The following IGF2BP1 variants were observed in gnomAD, a reference collection of about 807,000 sequenced individuals.
IGF2BP1 encodes insulin-like growth factor 2 mRNA-binding protein 1.
A neutral mutation model predicts 74.9 loss-of-function variants in IGF2BP1; 11 were observed. The observed-to-expected ratio is 0.15, with a 90% CI of 0.09 to 0.24. The LOEUF is 0.24. Among genes scored for constraint, IGF2BP1 ranks in the 10% least tolerant of loss-of-function variants. The pLI is 1.00. For missense variants in IGF2BP1, 440 were observed against 757.4 expected, an observed-to-expected ratio of 0.58 and a Z score of 4.92; for synonymous variants, 287 against 281.8, an observed-to-expected ratio of 1.02 and a Z score of -0.18.
chr17:49,025,711 C>T (rs199928943), intron 3 of IGF2BP1, 45 bp downstream of exon 3: 1 of 1,564,728 alleles, frequency 6.4e-7, no homozygotes, highest in African/African-American at 1.4e-5. Flanking sequence ...ATAGTGGAGC[C>T]TGGAAAGTAC....
In IGF2BP1 at chr17:49,045,996, G is replaced by A. The variant is rs2042104060; in HGVS notation, c.1502G>A (p.Arg501Gln). 2 of 1,614,116 alleles carry A rather than the reference G, an allele frequency of 1.2e-6. No homozygotes were observed. The highest frequency in any genetic ancestry group is 1.7e-6 in the Non-Finnish European group (2 of 1,180,038). The change falls in exon 13 of 15, where the codon CGG becomes CAG. Residue 501 changes from arginine (R) to glutamine (Q), a missense_variant. Arg to Gln is a conservative substitution (Grantham distance 43). Coordinates refer to ENST00000290341, the MANE Select transcript of IGF2BP1 (RefSeq NM_006546.4). ...CGTGTGCCAGCATCAGCAGCTGGCCGGGTCATTGGCAAAGGTGGAAAAACG... is the reference window on the plus strand; with the variant it reads ...CGTGTGCCAGCATCAGCAGCTGGCCAGGTCATTGGCAAAGGTGGAAAAACG... Reference protein sequence around the residue: ...HIRVPASAAGRVIGKGGKTVN... With the variant: ...HIRVPASAAGQVIGKGGKTVN...
At chr17:49,045,175 A>G (rs2042096697) in intron 12 of IGF2BP1, 110 bp downstream of exon 12, 3 of 838,842 alleles carry the variant, frequency 3.6e-6, no homozygotes, top group Non-Finnish European at 6.0e-6. Context: ...TCAAGTCCTC[A>G]TCACATCTTT....
chr17:49,038,138 A>T, intron 5 of IGF2BP1, 30 bp from the exon 6 acceptor site: 7 of 1,445,776 alleles, frequency 4.8e-6, no homozygotes, highest in Non-Finnish European at 6.4e-6. Flanking sequence ...ATGGATTGGA[A>T]TGACCTGTAG....
At chr17:49,023,799 G>A (rs1272913812) in intron 2 of IGF2BP1, among the ~76,000 whole-genome samples, 3 of 152,106 alleles carry the variant, frequency 2.0e-5, no homozygotes, top group Non-Finnish European at 4.4e-5. Flanking sequence ...AAATGCAATT[G>A]GCCAATGCAT....
intron 2 of IGF2BP1, among the ~76,000 whole-genome samples, chr17:49,022,769 T>C (rs1461293377): frequency 3.3e-5 from 5 of 152,186 alleles, no homozygotes; most frequent in South Asian, 2.1e-4. Flanking sequence ...ACTGGGAGTT[T>C]GAAGTGCGAG....
intron 2 of IGF2BP1, among the ~76,000 whole-genome samples, chr17:49,021,868 C>T (rs1281988367): frequency 1.3e-5 from 2 of 152,198 alleles, no homozygotes; most frequent in Non-Finnish European, 2.9e-5. Flanking sequence ...GGAGCGGGTC[C>T]CTGGTCCCTG....
intron 3 of IGF2BP1, 141 bp downstream of exon 3, chr17:49,025,807 T>G: frequency 1.7e-6 from 1 of 600,924 alleles, no homozygotes; most frequent in Non-Finnish European, 2.9e-6. Context: ...TTCTTTCTTT[T>G]TTTCTTTTTG....
Position 49,046,233 on chromosome 17 carries a change from C to T in IGF2BP1, c.1528-27C>T, listed in dbSNP as rs778823272. 7 of 1,594,098 alleles carry T rather than the reference C, an allele frequency of 4.4e-6. No homozygotes were observed. In the Admixed American group the frequency reaches 1.0e-4, roughly 23 times the overall value. ...CCCACCCATGCTTTCTTGATGGCAC[C>T]CTGAGCTCCTCTCTGGCCACCCCCA... On this transcript the variant is annotated intron_variant, in intron 13 of 14. Coordinates refer to ENST00000290341, the MANE Select transcript of IGF2BP1 (RefSeq NM_006546.4).
At chr17:49,019,947 T>C (rs1221864296) in intron 2 of IGF2BP1, among the ~76,000 whole-genome samples, 2 of 37,842 alleles carry the variant, frequency 5.3e-5, no homozygotes, top group African/African-American at 2.9e-4. Flanking sequence ...TATATATATA[T>C]ATTTATATAC....
intron 3 of IGF2BP1, 118 bp downstream of exon 3, chr17:49,025,784 T>G (rs1421571764): frequency 6.7e-6 from 5 of 742,142 alleles, no homozygotes; most frequent in Non-Finnish European, 1.1e-5. Context: ...TAGGGAGGCC[T>G]GGGTCTCATC....
chr17:49,038,874 A>ATCTTTTTTT (rs1491495832), intron 6 of IGF2BP1, among the ~76,000 whole-genome samples: 1 of 75,274 alleles, frequency 1.3e-5, no homozygotes, highest in African/African-American at 5.6e-5. Context: ...TCTTTCTTTA[A>ATCTTTTTTT]TATTTTTTTT....
upstream of IGF2BP1, chr17:48,996,624 G>A (rs1394239681): frequency 1.3e-5 from 2 of 152,436 alleles, no homozygotes; most frequent in Non-Finnish European, 2.9e-5. Flanking sequence ...GTCTCCTGGA[G>A]TCATCTCCGG....
At position 49,017,063 on chromosome 17, in the gene IGF2BP1, T is replaced by C. The variant is rs192858815; in HGVS notation, c.237-8555T>C. Among the ~76,000 whole-genome samples the C allele has an allele frequency of 1.1e-3, 164 of 151,328 alleles. 1 individual carries two copies. The highest frequency in any genetic ancestry group is 2.2e-4 in the Non-Finnish European group (15 of 67,800). Reference sequence around the variant, plus strand: ...TGGGGAGGAAGGACTGAGTCAGTGGTGATTTTCTGGAAAAGGCAGAGGTTG... The same window carrying C: ...TGGGGAGGAAGGACTGAGTCAGTGGCGATTTTCTGGAAAAGGCAGAGGTTG... On this transcript the variant is annotated intron_variant, in intron 2 of 14. Transcript: ENST00000290341.
Position 49,049,469 on chromosome 17 carries a change from T to G in IGF2BP1, c.*25T>G. 1 of 1,598,766 alleles carries G rather than the reference T, an allele frequency of 6.3e-7. No homozygotes were observed. Among genetic ancestry groups the G allele is most frequent in the Non-Finnish European group, 8.6e-7 (1 of 1,166,726 alleles). ...ACCAGCCCCTCCCTGTCCCTTCGAG[T>G]CCAGGACAACAACGGGCAGAAATCG... On this transcript the variant is annotated 3_prime_UTR_variant, in exon 15 of 15. Coordinates refer to ENST00000290341, the MANE Select transcript of IGF2BP1 (RefSeq NM_006546.4).
chr17:48,999,923 GGTGTGTGTGTGT>G (rs371605973), intron 2 of IGF2BP1, among the ~76,000 whole-genome samples: 58 of 134,106 alleles, frequency 4.3e-4, no homozygotes, highest in South Asian at 1.9e-3. Flanking sequence ...GTGGATGAAT[GGTGTGTGTGTGT>G]GTGTGTGTGT....
chr17:49,045,813 G>T, intron 12 of IGF2BP1, 77 bp from the exon 13 acceptor site: 1 of 1,502,896 alleles, frequency 6.7e-7, no homozygotes, highest in East Asian at 2.3e-5. Context: ...AATATGGGCT[G>T]GAGCTTCCTT....
Position 49,049,477 on chromosome 17 carries a change from A to G in IGF2BP1, c.*33A>G, listed in dbSNP as rs1055632929. On this transcript the variant is annotated 3_prime_UTR_variant, in exon 15 of 15. Transcript: ENST00000290341. ...CTCCCTGTCCCTTCGAGTCCAGGAC[A>G]ACAACGGGCAGAAATCGAGAGTGTG... is the stretch of plus-strand genomic sequence containing the variant. 5 of 1,580,132 alleles carry G rather than the reference A, an allele frequency of 3.2e-6. No homozygotes were observed. The African/African-American group carries it at 4.0e-5, about 13-fold the overall frequency.
chr17:49,012,854 C>T (rs2041637717), intron 2 of IGF2BP1: 1 of 152,158 alleles, frequency 6.6e-6, no homozygotes, highest in Admixed American at 6.5e-5. Flanking sequence ...TGAGCCCCCA[C>T]AAAGTATTGG....
intron 2 of IGF2BP1, among the ~76,000 whole-genome samples, chr17:49,022,992 G>A (rs1221568036): frequency 6.6e-6 from 1 of 152,258 alleles, no homozygotes; most frequent in African/African-American, 2.4e-5. Flanking sequence ...TGTTATAGGT[G>A]TTAAACTAGG....
Sources: allele counts gnomAD v4.1 joint callset (sites outside exome capture counted in the v4.1 genomes callset), GRCh38; gene constraint gnomAD v4.1.1; transcripts MANE v1.5; gene names NCBI Gene and HGNC (gene_info 2026-07-23, HGNC 2026-07-21).